SGCD: variants seen among roughly 807,000 people sequenced by gnomAD.
SGCD encodes the protein sarcoglycan delta, also known as delta-sarcoglycan.
SGCD carries 18 observed loss-of-function variants against 36.6 expected under a neutral mutation model. The observed-to-expected ratio is 0.49, with a 90% CI of 0.34 to 0.73. The LOEUF is 0.73. SGCD is among the 30% of genes least tolerant of loss of function. The pLI is 0.01. For synonymous variants in SGCD, 133 were observed against 130.6 expected (o/e 1.02, Z -0.12); for missense variants, 387 against 346.7 (o/e 1.12, Z -0.92).
chr5:156,722,874 T>C (rs1021499401), intron 7 of SGCD, among the ~76,000 whole-genome samples: 1 of 152,208 alleles, frequency 6.6e-6, no homozygotes, highest in Admixed American at 6.5e-5. Flanking sequence ...ACACATCCTA[T>C]CACCTTTTTG....
At chr5:156,567,775 C>A (rs1187637566) in intron 4 of SGCD, among the ~76,000 whole-genome samples, 1 of 152,074 alleles carries the variant, frequency 6.6e-6, no homozygotes, top group Non-Finnish European at 1.5e-5. Context: ...TAGACTCCTG[C>A]ATATTAAAAA....
At chr5:156,516,595 A>G (rs1265240281) in intron 4 of SGCD, among the ~76,000 whole-genome samples, 1 of 152,232 alleles carries the variant, frequency 6.6e-6, no homozygotes, top group African/African-American at 2.4e-5. Context: ...TCAAAAGGCC[A>G]GAGTGCCTCA....
At chr5:156,002,422 T>C (rs374703675) in intron 1 of SGCD, among the ~76,000 whole-genome samples, 92 of 152,354 alleles carry the variant, frequency 6.0e-4, no homozygotes, top group African/African-American at 2.1e-3. Flanking sequence ...TATTTTATAA[T>C]GACAGTCCTC....
intron 1 of SGCD, among the ~76,000 whole-genome samples, chr5:155,938,564 G>A (rs1157786315): frequency 2.0e-5 from 3 of 152,266 alleles, no homozygotes; most frequent in African/African-American, 7.2e-5. Context: ...GAAGTTAATA[G>A]GAATGTTCTT....
At chr5:155,929,472 C>T (rs966486626) in intron 1 of SGCD, among the ~76,000 whole-genome samples, 3 of 152,260 alleles carry the variant, frequency 2.0e-5, no homozygotes, top group Admixed American at 2.0e-4. Context: ...ATTTTTTCCT[C>T]CTCTGCTATT....
At chr5:156,219,249 T>C (rs2127644820) in intron 3 of SGCD, among the ~76,000 whole-genome samples, 1 of 152,320 alleles carries the variant, frequency 6.6e-6, no homozygotes, top group African/African-American at 2.4e-5. Flanking sequence ...ACTTTTCCTA[T>C]ATTAAGTATC....
chr5:156,581,846 G>A (rs1048343101), intron 4 of SGCD, among the ~76,000 whole-genome samples: 1 of 152,192 alleles, frequency 6.6e-6, no homozygotes. Flanking sequence ...CCTTGGCTAG[G>A]AAAGAGAAAT....
intron 6 of SGCD, among the ~76,000 whole-genome samples, chr5:156,620,347 G>A (rs1372767164): frequency 6.6e-6 from 1 of 152,230 alleles, no homozygotes; most frequent in East Asian, 1.9e-4. Context: ...GTGCAGAGAT[G>A]TAAGGACGTA....
At chr5:156,758,057 G>GAACTT in intron 8 of SGCD, 2 of 978,806 alleles carry the variant, frequency 2.0e-6, no homozygotes, top group Non-Finnish European at 2.5e-6. Flanking sequence ...GGCTCAAGAT[G>GAACTT]AACTTAATTT....
intron 3 of SGCD, among the ~76,000 whole-genome samples, chr5:156,392,456 G>A (rs1352363683): frequency 6.6e-6 from 1 of 152,162 alleles, no homozygotes; most frequent in African/African-American, 2.4e-5. Context: ...ATACAGATAG[G>A]CAGGTTGTAG....
chr5:156,441,240 C>T (rs1010507884), intron 3 of SGCD, among the ~76,000 whole-genome samples: 5 of 152,070 alleles, frequency 3.3e-5, no homozygotes, highest in African/African-American at 9.7e-5. Context: ...CTCTAACAAG[C>T]GTAATACATT....
At chr5:156,567,752 T>G (rs936199431) in intron 4 of SGCD, among the ~76,000 whole-genome samples, 1 of 152,224 alleles carries the variant, frequency 6.6e-6, no homozygotes, top group Non-Finnish European at 1.5e-5. Context: ...CTTTGCAGCT[T>G]CTTAGAATGT....
Position 156,055,415 on chromosome 5 carries a change from C to A in SGCD, c.-281-62463C>A, listed in dbSNP as rs1319247450. On this transcript the variant is annotated intron_variant, in intron 1 of 9. Transcript: ENST00000517913. ...AAGTCCCCAGATGATTATTCTGTAT[C>A]CTCTTCCAGTTAATGCTCCAGACAC... Among the ~76,000 whole-genome samples, 3 of 145,912 alleles carry A rather than the reference C, an allele frequency of 2.1e-5. No homozygotes were observed. The East Asian group carries it at 5.8e-4, about 28-fold the overall frequency.
chr5:155,835,663 A>G, the SGCD span, among the ~76,000 whole-genome samples: 3 of 152,182 alleles, frequency 2.0e-5, no homozygotes, highest in African/African-American at 7.2e-5. Flanking sequence ...CTTTTAGCAA[A>G]AGTATTTGCC....
At chr5:156,477,077 C>T (rs1009210965) in intron 3 of SGCD, among the ~76,000 whole-genome samples, 8 of 148,232 alleles carry the variant, frequency 5.4e-5, no homozygotes, top group Admixed American at 4.7e-4. Context: ...AAAACCCATA[C>T]AGTTGTCAGT....
chr5:156,351,606 A>G (rs200521869), intron 3 of SGCD, among the ~76,000 whole-genome samples: 9 of 33,934 alleles, frequency 2.7e-4, no homozygotes, highest in South Asian at 2.6e-3. Context: ...CGTCGTAGTC[A>G]TCATCATCAT....
At chr5:156,228,093 C>T (rs1023859745) in intron 3 of SGCD, among the ~76,000 whole-genome samples, 4 of 152,028 alleles carry the variant, frequency 2.6e-5, no homozygotes, top group African/African-American at 9.7e-5. Flanking sequence ...GTTCCATGTG[C>T]TGTTGAATAG....
chr5:156,708,961 A>G (rs1031231771), intron 7 of SGCD, among the ~76,000 whole-genome samples: 1 of 152,186 alleles, frequency 6.6e-6, no homozygotes, highest in African/African-American at 2.4e-5. Context: ...TTATTTTAGC[A>G]GGGCTTGTTA....
At chr5:156,629,029 A>C (rs1762533251) in intron 6 of SGCD, among the ~76,000 whole-genome samples, 1 of 152,250 alleles carries the variant, frequency 6.6e-6, no homozygotes, top group Admixed American at 6.5e-5. Context: ...AAGTGTAACT[A>C]TGTTTATCAT....
Sources: gnomAD v4.1 joint callset for allele counts (sites outside exome capture counted in the v4.1 genomes callset) on GRCh38, gnomAD v4.1.1 for gene constraint, MANE v1.5 for transcripts, NCBI Gene and HGNC (gene_info 2026-07-23, HGNC 2026-07-21) for gene names.